NPAS3: variants seen among roughly 807,000 people sequenced by gnomAD.
The protein encoded by NPAS3 is neuronal PAS domain protein 3, also known as neuronal PAS domain-containing protein 3.
In NPAS3, 14 loss-of-function variants were observed where a neutral mutation model predicts 73.1. The ratio of observed to expected loss-of-function variants is 0.19; its 90% confidence interval spans 0.13 to 0.30. NPAS3 has a LOEUF of 0.30. Ranked by LOEUF, NPAS3 falls within the 10% of genes least tolerant of loss-of-function variation. NPAS3 has a pLI of 1.00. For missense variants in NPAS3, 1,096 were observed against 1,250.0 expected, an observed-to-expected ratio of 0.88 and a Z score of 1.86; for synonymous variants, 620 against 541.5, an observed-to-expected ratio of 1.14 and a Z score of -2.01.
chr14:33,736,457 A>G (rs1266146018), intron 7 of NPAS3, among the ~76,000 whole-genome samples: 1 of 152,172 alleles, frequency 6.6e-6, no homozygotes, highest in Non-Finnish European at 1.5e-5. Context: ...GAGGAGAGGC[A>G]AGTGGGCAGC....
Position 33,620,232 on chromosome 14 carries a change from A to G in NPAS3, c.559-55979A>G, listed in dbSNP as rs1261267752. Among the ~76,000 whole-genome samples, 4 of 152,228 alleles carry G rather than the reference A, an allele frequency of 2.6e-5. No individual in the cohort carries two copies. The East Asian group carries it at 5.8e-4, about 22-fold the overall frequency. ...TTGTAAATCTTTTGACACAGATTCT[A>G]ATTCATAAATCTCATCCATCACATG... On this transcript the variant is annotated intron_variant, in intron 5 of 11. Coordinates refer to ENST00000356141, the Ensembl canonical transcript of NPAS3.
intron 5 of NPAS3, among the ~76,000 whole-genome samples, chr14:33,624,022 C>T (rs528420442): frequency 7.2e-5 from 11 of 152,192 alleles, no homozygotes; most frequent in African/African-American, 1.4e-4. Context: ...TAACATGCTC[C>T]GTGAAGTTTC....
intron 5 of NPAS3, among the ~76,000 whole-genome samples, chr14:33,590,246 C>A (rs1156470732): frequency 6.6e-6 from 1 of 152,132 alleles, no homozygotes; most frequent in Non-Finnish European, 1.5e-5. Context: ...CTAATCCTGG[C>A]ATTTCACAAT....
At chr14:33,237,010 A>AT (rs2048056678) in intron 3 of NPAS3, among the ~76,000 whole-genome samples, 2 of 152,008 alleles carry the variant, frequency 1.3e-5, no homozygotes, top group African/African-American at 4.8e-5. Context: ...AAAAAATGAG[A>AT]TTTTTGTTTA....
At chr14:33,165,020 T>G (rs1257188105) in intron 2 of NPAS3, among the ~76,000 whole-genome samples, 1 of 152,124 alleles carries the variant, frequency 6.6e-6, no homozygotes, top group Non-Finnish European at 1.5e-5. Context: ...ACTGAAGTGT[T>G]CTATGAAAGG....
chr14:33,779,506 A>G (rs1002185624), intron 9 of NPAS3, among the ~76,000 whole-genome samples: 6 of 152,182 alleles, frequency 3.9e-5, no homozygotes, highest in African/African-American at 1.4e-4. Flanking sequence ...ATACAGTCAC[A>G]TGCCACTTAG....
exon 7 of NPAS3, chr14:33,735,237 C>A (rs745769093): frequency 6.2e-7 from 1 of 1,613,462 alleles, no homozygotes; most frequent in South Asian, 1.1e-5. Flanking sequence ...CCCCAGTCTG[C>A]TAACCACTGA....
At chr14:33,745,160 G>A (rs1027845695) in intron 7 of NPAS3, among the ~76,000 whole-genome samples, 3 of 152,070 alleles carry the variant, frequency 2.0e-5, no homozygotes, top group African/African-American at 7.3e-5. Context: ...GAGGCAGGAG[G>A]ATCGCTCAAG....
intron 1 of NPAS3, among the ~76,000 whole-genome samples, chr14:32,979,163 A>C (rs865968814): frequency 3.3e-5 from 5 of 152,182 alleles, no homozygotes; most frequent in Non-Finnish European, 4.4e-5. Flanking sequence ...GGAGGTATAC[A>C]AGAAATGCTT....
intron 5 of NPAS3, among the ~76,000 whole-genome samples, chr14:33,632,341 T>G (rs1052444974): frequency 6.6e-6 from 1 of 152,200 alleles, no homozygotes; most frequent in African/African-American, 2.4e-5. Context: ...AATAAGCATT[T>G]TAAAACTAAT....
intron 1 of NPAS3, among the ~76,000 whole-genome samples, chr14:33,044,278 C>G (rs1043647647): frequency 3.9e-5 from 6 of 152,092 alleles, no homozygotes; most frequent in African/African-American, 1.4e-4. Flanking sequence ...TCATTTTTGT[C>G]ATTTCTTTTC....
chr14:33,234,127 A>AT (rs1243546922), intron 3 of NPAS3, among the ~76,000 whole-genome samples: 1 of 152,086 alleles, frequency 6.6e-6, no homozygotes, highest in East Asian at 1.9e-4. Flanking sequence ...GCTTGCTAGC[A>AT]TTTTTTCTCC....
chr14:33,333,954 T>A (rs990626062), intron 3 of NPAS3, among the ~76,000 whole-genome samples: 4 of 152,112 alleles, frequency 2.6e-5, no homozygotes, highest in Non-Finnish European at 5.9e-5. Flanking sequence ...AATTCTCCCC[T>A]GGAAAATTTT....
intron 4 of NPAS3, among the ~76,000 whole-genome samples, chr14:33,546,766 TGAGCTTAC>T (rs374355799): frequency 2.4e-4 from 36 of 152,362 alleles, no homozygotes; most frequent in African/African-American, 8.2e-4. Flanking sequence ...TGCACCTTGC[TGAGCTTAC>T]GAGAAAGAGC....
chr14:33,694,825 G>A (rs1190233831), intron 6 of NPAS3, among the ~76,000 whole-genome samples: 1 of 152,136 alleles, frequency 6.6e-6, no homozygotes, highest in African/African-American at 2.4e-5. Context: ...CCCTTTAAGT[G>A]TCACATCACC....
At chr14:33,029,427 G>A (rs1275878546) in intron 1 of NPAS3, among the ~76,000 whole-genome samples, 2 of 152,156 alleles carry the variant, frequency 1.3e-5, no homozygotes, top group African/African-American at 2.4e-5. Flanking sequence ...ACTACTTGTA[G>A]CATAGGTTTC....
intron 3 of NPAS3, among the ~76,000 whole-genome samples, chr14:33,284,424 A>C (rs2041775376): frequency 6.6e-6 from 1 of 152,130 alleles, no homozygotes; most frequent in South Asian, 2.1e-4. Context: ...AATGCATTAC[A>C]CAGATGAGTA....
intron 2 of NPAS3, among the ~76,000 whole-genome samples, chr14:33,148,343 T>C (rs1248351056): frequency 1.3e-5 from 2 of 152,168 alleles, no homozygotes; most frequent in Non-Finnish European, 1.5e-5. Context: ...TCATTCATAT[T>C]ATATATTTAT....
At chr14:33,136,398 GAA>G (rs1428532875) in intron 2 of NPAS3, among the ~76,000 whole-genome samples, 3 of 152,110 alleles carry the variant, frequency 2.0e-5, no homozygotes, top group Non-Finnish European at 4.4e-5. Flanking sequence ...CTTCGGTTCT[GAA>G]AAAACACAAA....
Sources: gnomAD v4.1 joint callset for allele counts (sites outside exome capture counted in the v4.1 genomes callset) on GRCh38, gnomAD v4.1.1 for gene constraint, MANE v1.5 for transcripts, NCBI Gene and HGNC (gene_info 2026-07-23, HGNC 2026-07-21) for gene names.